ATP10B: variants seen among roughly 807,000 people sequenced by gnomAD.
The protein encoded by ATP10B is phospholipid-transporting ATPase VB.
ATP10B carries 122 observed loss-of-function variants against 141.2 expected under a neutral mutation model. The ratio of observed to expected loss-of-function variants is 0.86; its 90% confidence interval spans 0.75 to 1.00. The LOEUF (loss-of-function observed/expected upper bound fraction) is 1.00. Ranked by LOEUF, ATP10B falls within the 50% of genes least tolerant of loss-of-function variation. The pLI is 0.00. For synonymous variants in ATP10B, 685 were observed against 692.0 expected (o/e 0.99, Z 0.16); for missense variants, 1,876 against 1,825.3 (o/e 1.03, Z -0.51).
the ATP10B span, among the ~76,000 whole-genome samples, chr5:160,897,000 T>G: frequency 6.6e-6 from 1 of 152,202 alleles, no homozygotes; most frequent in African/African-American, 2.4e-5. Flanking sequence ...TACCCTTTTA[T>G]GCTAAAACCT....
chr5:160,618,115 A>G, intron 15 of ATP10B, 142 bp from the exon 16 acceptor site: 1 of 686,852 alleles, frequency 1.5e-6, no homozygotes, highest in Non-Finnish European at 2.6e-6. Flanking sequence ...AACCTGAAGG[A>G]GCTCTCCTGG....
chr5:160,577,052 C>G (rs1036730918), intron 24 of ATP10B, among the ~76,000 whole-genome samples: 4 of 152,202 alleles, frequency 2.6e-5, no homozygotes, highest in Non-Finnish European at 4.4e-5. Flanking sequence ...CTTTAGCTTC[C>G]TTCTCTGAAG....
At chr5:160,637,672 T>C (rs1759521724) in intron 10 of ATP10B, among the ~76,000 whole-genome samples, 1 of 152,222 alleles carries the variant, frequency 6.6e-6, no homozygotes, top group African/African-American at 2.4e-5. Context: ...TCTTGTCTGT[T>C]AAATAGTAAT....
chr5:160,752,280 T>G (rs1225142508), intron 2 of ATP10B, among the ~76,000 whole-genome samples: 1 of 151,784 alleles, frequency 6.6e-6, no homozygotes, highest in East Asian at 1.9e-4. Context: ...TCATCAATGC[T>G]ATGAGGTGAG....
intron 2 of ATP10B, among the ~76,000 whole-genome samples, chr5:160,755,839 ATATATATATATATATATATAT>A (rs1471420565): frequency 1.3e-4 from 4 of 31,260 alleles, no homozygotes; most frequent in African/African-American, 5.0e-4. Flanking sequence ...AAAAAAAAAA[ATATATATATATATATATATAT>A]ATATATATAT....
intron 1 of ATP10B, among the ~76,000 whole-genome samples, chr5:160,812,014 CAGAGACAGAGAGAGAGAGAG>C (rs1178297203): frequency 5.0e-4 from 59 of 118,014 alleles, no homozygotes; most frequent in East Asian, 7.7e-4. Context: ...GAGACAGAGA[CAGAGACAGAGAGAGAGAGAG>C]AGAGAGAGAG....
chr5:160,640,379 T>C, intron 10 of ATP10B, 82 bp downstream of exon 10: 5 of 1,511,038 alleles, frequency 3.3e-6, no homozygotes, highest in Non-Finnish European at 4.5e-6. Flanking sequence ...TTATTAGCCC[T>C]ACTTTATAAA....
At chr5:160,649,802 A>C (rs964185572) in intron 7 of ATP10B, among the ~76,000 whole-genome samples, 2 of 152,056 alleles carry the variant, frequency 1.3e-5, no homozygotes, top group African/African-American at 4.8e-5. Context: ...TTGCGCATGT[A>C]ATATTTCCAG....
chr5:160,701,422 A>G (rs1400122174), intron 3 of ATP10B, among the ~76,000 whole-genome samples: 2 of 152,120 alleles, frequency 1.3e-5, no homozygotes, highest in African/African-American at 4.8e-5. Context: ...CCCACTTCCC[A>G]TGCTCAAAAA....
chr5:160,601,519 C>T (rs1175301245), intron 21 of ATP10B, among the ~76,000 whole-genome samples: 1 of 152,174 alleles, frequency 6.6e-6, no homozygotes, highest in Non-Finnish European at 1.5e-5. Context: ...TAATAAAGGG[C>T]TTTTCAAAGA....
At chr5:160,854,537 G>A (rs1378378166), upstream of ATP10B, among the ~76,000 whole-genome samples, 2 of 152,156 alleles carry the variant, frequency 1.3e-5, no homozygotes, top group African/African-American at 4.8e-5. Context: ...ATTCCATGGT[G>A]TGTATGTGCT....
At chr5:160,854,159 G>A (rs1205419714), upstream of ATP10B, among the ~76,000 whole-genome samples, 1 of 152,078 alleles carries the variant, frequency 6.6e-6, no homozygotes, top group African/African-American at 2.4e-5. Context: ...TCTACAAGCT[G>A]TGCAAGTGTT....
intron 1 of ATP10B, among the ~76,000 whole-genome samples, chr5:160,849,099 C>A (rs1191165324): frequency 6.6e-6 from 1 of 152,040 alleles, no homozygotes; most frequent in Non-Finnish European, 1.5e-5. Flanking sequence ...TACAGCCGGC[C>A]CAGGAAGCAT....
intron 7 of ATP10B, among the ~76,000 whole-genome samples, chr5:160,650,407 C>T (rs543754855): frequency 6.6e-6 from 1 of 152,246 alleles, no homozygotes; most frequent in East Asian, 1.9e-4. Flanking sequence ...AAAGATCCCA[C>T]CAAGGTTGCC....
chr5:160,819,343 C>A (rs1272290033), intron 1 of ATP10B, among the ~76,000 whole-genome samples: 2 of 151,994 alleles, frequency 1.3e-5, no homozygotes, highest in African/African-American at 4.8e-5. Context: ...ATTCTTCAAG[C>A]ATGAAGGAGA....
chr5:160,595,598 C>A (rs1439677131), intron 22 of ATP10B, among the ~76,000 whole-genome samples: 3 of 152,044 alleles, frequency 2.0e-5, no homozygotes, highest in African/African-American at 7.3e-5. Context: ...TCAATGAATC[C>A]AGGAGCTGGT....
the ATP10B span, among the ~76,000 whole-genome samples, chr5:160,868,554 A>G: frequency 6.6e-6 from 1 of 151,022 alleles, no homozygotes; most frequent in African/African-American, 2.4e-5. Flanking sequence ...ACACACACAC[A>G]CACACACACA....
chr5:160,811,299 G>C (rs1308407481), intron 1 of ATP10B, among the ~76,000 whole-genome samples: 1 of 152,158 alleles, frequency 6.6e-6, no homozygotes, highest in Non-Finnish European at 1.5e-5. Flanking sequence ...GAAAAGCAGA[G>C]GGGAAAGTAA....
chr5:160,875,120 AG>A, the ATP10B span, among the ~76,000 whole-genome samples: 11 of 124,518 alleles, frequency 8.8e-5, no homozygotes, highest in African/African-American at 3.1e-4. Flanking sequence ...AAAAATGTTA[AG>A]GGCAGCCAGA....
Sources: allele counts gnomAD v4.1 joint callset (sites outside exome capture counted in the v4.1 genomes callset), GRCh38; gene constraint gnomAD v4.1.1; transcripts MANE v1.5; gene names NCBI Gene and HGNC (gene_info 2026-07-23, HGNC 2026-07-21).